Variants in SAMD5 observed in about 807,000 individuals in gnomAD.
SAMD5 encodes the protein sterile alpha motif domain-containing protein 5.
A neutral mutation model predicts 11.3 loss-of-function variants in SAMD5; 13 were observed. That is an observed-to-expected ratio of 1.15 (90% CI 0.75 to 1.83). The LOEUF (loss-of-function observed/expected upper bound fraction) is 1.83, where lower values mean the gene tolerates loss of function less well. SAMD5 is among the 40% of genes most tolerant of loss of function. The pLI is 0.00. For missense variants in SAMD5, 255 were observed against 239.1 expected (o/e 1.07, Z -0.44); for synonymous variants, 129 against 111.3 (o/e 1.16, Z -1.00).
the SAMD5 span, among the ~76,000 whole-genome samples, chr6:147,789,781 G>A: frequency 3.3e-5 from 5 of 152,252 alleles, no homozygotes; most frequent in South Asian, 4.1e-4. Context: ...TGACTGTGAC[G>A]GTTTTGAGGA....
At chr6:147,585,391 C>G (rs889367942) in intron 1 of SAMD5, among the ~76,000 whole-genome samples, 1 of 152,090 alleles carries the variant, frequency 6.6e-6, no homozygotes, top group Non-Finnish European at 1.5e-5. Flanking sequence ...AAACATTTCC[C>G]CAAAGTCAAT....
rs1399659090 is a variant in SAMD5, at chr6:147,737,383, AT to A, written c.230del (p.Ile77ThrfsTer9). The A allele has an allele frequency of 8.1e-7, 1 of 1,229,146 alleles. No homozygotes were observed. The highest frequency in any genetic ancestry group is 1.5e-5 in the African/African-American group (1 of 64,786). The allele number at this position is 1,229,146 out of a possible 1,614,324, so 76.1% of individuals were successfully genotyped here. On this transcript the variant is annotated frameshift_variant, in exon 2 of 2. Transcript: ENST00000566741. LOFTEE classifies it low-confidence loss of function (END_TRUNC). Reference sequence around the variant, plus strand: ...GTTTATTGGAGCTGTGAATTTAATCATCTCAATCCCACGCTATTACAGGATG... The same window carrying A: ...GTTTATTGGAGCTGTGAATTTAATCACTCAATCCCACGCTATTACAGGATG...
chr6:147,521,327 C>T (rs1220287405), intron 1 of SAMD5, among the ~76,000 whole-genome samples: 2 of 152,030 alleles, frequency 1.3e-5, no homozygotes, highest in South Asian at 2.1e-4. Flanking sequence ...TTTGGAAGAG[C>T]TTTTATGCAT....
intron 1 of SAMD5, among the ~76,000 whole-genome samples, chr6:147,733,389 G>A (rs1791745369): frequency 6.6e-6 from 1 of 152,194 alleles, no homozygotes; most frequent in Non-Finnish European, 1.5e-5. Context: ...TCCTGGAAGT[G>A]TGGGTTTTGT....
At position 147,636,533 on chromosome 6, in the gene SAMD5, C is replaced by T. The variant is rs555702970; in HGVS notation, c.163-100784C>T. 3.9e-5 allele frequency among the ~76,000 whole-genome samples: 6 copies of T among 152,230 alleles called. No homozygotes were observed. In the South Asian group the frequency reaches 6.2e-4, roughly 16 times the overall value. On this transcript the variant is annotated intron_variant, in intron 1 of 1. Coordinates refer to the SAMD5 transcript ENST00000566741. ...TCTCATTTTGTTCTTTTTCATATCACCTAGCCTGGATTATAAAAATAAAAT... is the reference window on the plus strand; with the variant it reads ...TCTCATTTTGTTCTTTTTCATATCATCTAGCCTGGATTATAAAAATAAAAT...
the SAMD5 span, among the ~76,000 whole-genome samples, chr6:147,858,194 A>T: frequency 3.9e-5 from 6 of 152,074 alleles, no homozygotes; most frequent in Non-Finnish European, 8.8e-5. Context: ...CATACAAGAT[A>T]TTTCCTAAAT....
At chr6:147,678,492 G>C (rs1269527386) in intron 1 of SAMD5, among the ~76,000 whole-genome samples, 1 of 152,170 alleles carries the variant, frequency 6.6e-6, no homozygotes, top group African/African-American at 2.4e-5. Context: ...ATCACTCGCT[G>C]TAACATAAGT....
intron 1 of SAMD5, among the ~76,000 whole-genome samples, chr6:147,717,252 TG>T (rs1791481275): frequency 6.6e-6 from 1 of 152,242 alleles, no homozygotes; most frequent in South Asian, 2.1e-4. Context: ...TTGAAATGTA[TG>T]TGTTGTTTAA....
the SAMD5 span, among the ~76,000 whole-genome samples, chr6:147,788,940 C>T: frequency 2.6e-5 from 4 of 151,756 alleles, no homozygotes; most frequent in East Asian, 1.9e-4. Context: ...AAAAATTAGC[C>T]GGGCGTAGTG....
intron 1 of SAMD5, among the ~76,000 whole-genome samples, chr6:147,544,573 A>T (rs1468420557): frequency 6.6e-6 from 1 of 152,288 alleles, no homozygotes; most frequent in East Asian, 1.9e-4. Flanking sequence ...AAATTTAGCG[A>T]CATACCTTTG....
intron 1 of SAMD5, among the ~76,000 whole-genome samples, chr6:147,533,233 A>G (rs1038151209): frequency 9.2e-5 from 14 of 152,036 alleles, no homozygotes; most frequent in Non-Finnish European, 1.5e-4. Flanking sequence ...AAGCAAAAGA[A>G]TGCAAAATTA....
chr6:147,715,339 G>C (rs1251243855), intron 1 of SAMD5, among the ~76,000 whole-genome samples: 2 of 152,336 alleles, frequency 1.3e-5, no homozygotes, highest in East Asian at 3.9e-4. Flanking sequence ...GGATGCAGCA[G>C]GGCAGGCAAC....
chr6:147,603,319 T>G (rs844604), intron 1 of SAMD5, among the ~76,000 whole-genome samples: 111,250 of 152,066 alleles, frequency 0.73, 41,207 homozygotes, highest in African/African-American at 0.84. Flanking sequence ...CAATAATTTT[T>G]CTGAGCATGG....
the SAMD5 span, among the ~76,000 whole-genome samples, chr6:147,743,703 G>A: frequency 4.6e-5 from 7 of 152,208 alleles, no homozygotes; most frequent in African/African-American, 1.7e-4. Flanking sequence ...TTTATCAGAT[G>A]ACAATTGTTA....
chr6:147,602,705 C>A (rs1203738915), intron 1 of SAMD5, among the ~76,000 whole-genome samples: 1 of 152,076 alleles, frequency 6.6e-6, no homozygotes, highest in Non-Finnish European at 1.5e-5. Flanking sequence ...GATTGCACCA[C>A]TGCACTGTAG....
At chr6:147,697,375 A>G (rs1278105678) in intron 1 of SAMD5, among the ~76,000 whole-genome samples, 1 of 152,172 alleles carries the variant, frequency 6.6e-6, no homozygotes, top group African/African-American at 2.4e-5. Flanking sequence ...CAGTAAATGG[A>G]CTTTCGTTTA....
intron 1 of SAMD5, among the ~76,000 whole-genome samples, chr6:147,578,593 T>C (rs1789251109): frequency 6.6e-6 from 1 of 152,196 alleles, no homozygotes; most frequent in South Asian, 2.1e-4. Context: ...TAATTTTCCC[T>C]TTAATGGTTA....
the SAMD5 span, among the ~76,000 whole-genome samples, chr6:147,900,743 G>C: frequency 2.5e-4 from 38 of 152,206 alleles, no homozygotes; most frequent in Non-Finnish European, 5.0e-4. Flanking sequence ...TGCTGGAAGA[G>C]TTAAGGAAGG....
the SAMD5 span, among the ~76,000 whole-genome samples, chr6:147,801,886 C>T: frequency 2.0e-5 from 3 of 152,122 alleles, no homozygotes; most frequent in Admixed American, 1.3e-4. Context: ...ACCTTGACCC[C>T]TATTTCACAC....
Sources: allele counts gnomAD v4.1 joint callset (sites outside exome capture counted in the v4.1 genomes callset), GRCh38; gene constraint gnomAD v4.1.1; transcripts MANE v1.5; gene names NCBI Gene and HGNC (gene_info 2026-07-23, HGNC 2026-07-21).